SGCD: variants seen among roughly 807,000 people sequenced by gnomAD.
SGCD encodes delta-sarcoglycan.
In SGCD, 18 loss-of-function variants were observed where a neutral mutation model predicts 36.6. The observed-to-expected ratio is 0.49, with a 90% CI of 0.34 to 0.73. The LOEUF is 0.73. Ranked by LOEUF, SGCD falls within the 30% of genes least tolerant of loss-of-function variation. SGCD has a pLI of 0.01. For synonymous variants in SGCD, 133 were observed against 130.6 expected, an observed-to-expected ratio of 1.02 and a Z score of -0.12; for missense variants, 387 against 346.7, an observed-to-expected ratio of 1.12 and a Z score of -0.92.
chr5:156,442,996 T>G (rs1242956310), intron 3 of SGCD, among the ~76,000 whole-genome samples: 1 of 152,122 alleles, frequency 6.6e-6, no homozygotes, highest in Non-Finnish European at 1.5e-5. Context: ...CTTTTCTACC[T>G]TCTTTTTTTT....
chr5:156,049,283 G>T lies in SGCD; in HGVS notation c.-281-68595G>T, dbSNP rs995956219. On this transcript the variant is annotated intron_variant, in intron 1 of 9. Transcript: ENST00000517913. Reference sequence around the variant, plus strand: ...TGATGCCTCCAGCTTTGTTCTTTTGGCTTAGGATTGACTTGGTGATGCGGG... The same window carrying T: ...TGATGCCTCCAGCTTTGTTCTTTTGTCTTAGGATTGACTTGGTGATGCGGG... Among the ~76,000 whole-genome samples the T allele has an allele frequency of 5.1e-4, 75 of 145,934 alleles. 6 individuals carry two copies. The highest frequency in any genetic ancestry group is 1.7e-3 in the African/African-American group (71 of 40,642).
intron 3 of SGCD, among the ~76,000 whole-genome samples, chr5:156,476,372 T>G (rs1322560586): frequency 6.6e-6 from 1 of 152,164 alleles, no homozygotes; most frequent in Non-Finnish European, 1.5e-5. Flanking sequence ...GCGGCCGAAG[T>G]GGAAGCAGAA....
intron 1 of SGCD, among the ~76,000 whole-genome samples, chr5:155,888,527 C>G (rs1318166728): frequency 6.6e-6 from 1 of 152,110 alleles, no homozygotes; most frequent in East Asian, 1.9e-4. Context: ...GCAGATAACT[C>G]TGTGTATTTT....
chr5:155,850,830 A>G, the SGCD span, among the ~76,000 whole-genome samples: 2 of 152,332 alleles, frequency 1.3e-5, no homozygotes, highest in African/African-American at 2.4e-5. Context: ...TGCATGAGAC[A>G]TAATTCCTGC....
At chr5:156,344,703 T>A in intron 3 of SGCD, 26 bp downstream of exon 3, 1 of 1,563,680 alleles carries the variant, frequency 6.4e-7, no homozygotes, top group South Asian at 1.2e-5. Flanking sequence ...TAGGTTTGTT[T>A]AGCTTTCTTC....
intron 7 of SGCD, among the ~76,000 whole-genome samples, chr5:156,741,325 A>G (rs1328564513): frequency 6.6e-6 from 1 of 152,248 alleles, no homozygotes; most frequent in Non-Finnish European, 1.5e-5. Flanking sequence ...GATAATGCCA[A>G]CAGCTAATAA....
In SGCD at chr5:156,763,497, A is replaced by C; in HGVS notation, c.*4107A>C. 6.6e-6 allele frequency: 1 copy of C among 152,420 alleles called. No individual in the cohort carries two copies. Among genetic ancestry groups the C allele is most frequent in the South Asian group, 2.1e-4 (1 of 4,830 alleles). 9.4% of individuals were successfully genotyped at this position (152,420 alleles called of 1,614,324 possible). On this transcript the variant is annotated 3_prime_UTR_variant, in exon 9 of 9. Transcript: ENST00000337851. ...TTTTTATCAAACTGATGCTGTGAGA[A>C]ACCAGATGAATGCCAGTTTGGCTTT...
At chr5:155,815,138 C>T in the SGCD span, among the ~76,000 whole-genome samples, 5 of 151,880 alleles carry the variant, frequency 3.3e-5, no homozygotes, top group Non-Finnish European at 7.4e-5. Flanking sequence ...TGTTGTATAC[C>T]AGGTCAAATA....
At chr5:156,073,179 G>T (rs1040132664) in intron 1 of SGCD, among the ~76,000 whole-genome samples, 1 of 152,166 alleles carries the variant, frequency 6.6e-6, no homozygotes, top group Non-Finnish European at 1.5e-5. Flanking sequence ...CAGGAAACTT[G>T]CTTGTAAAAA....
At chr5:155,790,428 G>A in the SGCD span, among the ~76,000 whole-genome samples, 1 of 151,996 alleles carries the variant, frequency 6.6e-6, no homozygotes, top group East Asian at 1.9e-4. Flanking sequence ...TGGAGACAAT[G>A]ACCAGATCTA....
chr5:155,864,449 A>G, the SGCD span, among the ~76,000 whole-genome samples: 2 of 152,116 alleles, frequency 1.3e-5, no homozygotes, highest in Non-Finnish European at 2.9e-5. Context: ...TGTTTAGGAT[A>G]TAGGTGAAAT....
chr5:156,600,634 G>A (rs981978694), intron 6 of SGCD, among the ~76,000 whole-genome samples: 19 of 152,066 alleles, frequency 1.2e-4, no homozygotes, highest in African/African-American at 3.1e-4. Flanking sequence ...TGCAGTAAAC[G>A]TGGAACTTAA....
At chr5:155,905,717 T>C (rs561452161) in intron 1 of SGCD, among the ~76,000 whole-genome samples, 4 of 152,110 alleles carry the variant, frequency 2.6e-5, no homozygotes, top group African/African-American at 9.7e-5. Context: ...CAGTCTTTCC[T>C]GTATTATTCT....
intron 3 of SGCD, among the ~76,000 whole-genome samples, chr5:156,141,024 C>CT (rs1245158220): frequency 2.6e-5 from 4 of 152,184 alleles, no homozygotes; most frequent in African/African-American, 9.7e-5. Flanking sequence ...TCTCTGCTTC[C>CT]TGAATTCCAG....
chr5:155,958,594 G>A (rs573696671), intron 1 of SGCD, among the ~76,000 whole-genome samples: 1 of 152,216 alleles, frequency 6.6e-6, no homozygotes, highest in South Asian at 2.1e-4. Flanking sequence ...TATAGACAGA[G>A]AGTGAGCATC....
At chr5:156,671,272 C>CT (rs35299523) in intron 7 of SGCD, among the ~76,000 whole-genome samples, 3,995 of 104,416 alleles carry the variant, frequency 0.038, 111 homozygotes, top group African/African-American at 0.056. Context: ...TCTATTGATT[C>CT]TTTTTTTTTT....
chr5:156,706,472 C>T (rs1057246790), intron 7 of SGCD, among the ~76,000 whole-genome samples: 2 of 152,124 alleles, frequency 1.3e-5, no homozygotes, highest in Non-Finnish European at 2.9e-5. Flanking sequence ...ACACTACATC[C>T]ATTTTCAATG....
chr5:156,520,167 G>T (rs1757340241), intron 4 of SGCD, among the ~76,000 whole-genome samples: 1 of 152,204 alleles, frequency 6.6e-6, no homozygotes. Context: ...CTTCAGGAAA[G>T]TCTCAAGATA....
chr5:156,601,509 C>A (rs1761190418), intron 6 of SGCD, among the ~76,000 whole-genome samples: 1 of 152,122 alleles, frequency 6.6e-6, no homozygotes, highest in Admixed American at 6.6e-5. Context: ...ACTTTTATGC[C>A]AAGTACCATG....
Sources: allele counts gnomAD v4.1 joint callset (sites outside exome capture counted in the v4.1 genomes callset), GRCh38; gene constraint gnomAD v4.1.1; transcripts MANE v1.5; gene names NCBI Gene and HGNC (gene_info 2026-07-23, HGNC 2026-07-21).